The following WDR7 variants were observed in gnomAD, a reference collection of about 807,000 sequenced individuals.
The protein encoded by WDR7 is WD repeat domain 7.
WDR7 carries 46 observed loss-of-function variants against 169.4 expected under a neutral mutation model. The observed-to-expected ratio is 0.27, with a 90% confidence interval of 0.21 to 0.35. The LOEUF (loss-of-function observed/expected upper bound fraction) is 0.35, where lower values mean the gene tolerates loss of function less well. WDR7 is among the 10% of genes least tolerant of loss of function. WDR7 has a pLI of 1.00. For missense variants in WDR7, 1,534 were observed against 1,859.3 expected (o/e 0.83, Z 3.22); for synonymous variants, 612 against 666.8 (o/e 0.92, Z 1.27).
intron 21 of WDR7, among the ~76,000 whole-genome samples, chr18:56,895,260 G>A (rs2046316568): frequency 6.6e-6 from 1 of 151,788 alleles, no homozygotes; most frequent in African/African-American, 2.4e-5. Flanking sequence ...GTCTACTAGT[G>A]AACAAAGTAG....
At chr18:56,832,977 A>G (rs780812287) in intron 20 of WDR7, among the ~76,000 whole-genome samples, 4 of 152,098 alleles carry the variant, frequency 2.6e-5, no homozygotes, top group Non-Finnish European at 5.9e-5. Flanking sequence ...AAAACCGGAC[A>G]GAGAATGAGT....
At chr18:56,887,671 T>C (rs1404626644) in intron 21 of WDR7, among the ~76,000 whole-genome samples, 1 of 152,180 alleles carries the variant, frequency 6.6e-6, no homozygotes, top group African/African-American at 2.4e-5. Flanking sequence ...TAACCTATTT[T>C]TTTTTTTCCT....
intron 25 of WDR7, among the ~76,000 whole-genome samples, chr18:56,955,542 A>G (rs1179843685): frequency 6.6e-6 from 1 of 152,162 alleles, no homozygotes; most frequent in Non-Finnish European, 1.5e-5. Flanking sequence ...CTGAGCATTC[A>G]TTTTCCTTAT....
At chr18:56,952,687 A>G (rs1283433375) in intron 25 of WDR7, among the ~76,000 whole-genome samples, 1 of 152,244 alleles carries the variant, frequency 6.6e-6, no homozygotes, top group East Asian at 1.9e-4. Flanking sequence ...TTAAGTGGAA[A>G]CCAAACGGAT....
At chr18:56,823,700 T>C (rs2045143993) in intron 20 of WDR7, among the ~76,000 whole-genome samples, 1 of 152,216 alleles carries the variant, frequency 6.6e-6, no homozygotes, top group Non-Finnish European at 1.5e-5. Context: ...TGACCTGACA[T>C]CTCAAACTTG....
intron 12 of WDR7, among the ~76,000 whole-genome samples, chr18:56,712,636 T>C (rs1420670021): frequency 6.6e-6 from 1 of 152,230 alleles, no homozygotes; most frequent in Non-Finnish European, 1.5e-5. Flanking sequence ...ATGAATACAG[T>C]GTTTGGAACA....
chr18:56,757,608 G>C (rs1305748424), intron 15 of WDR7, among the ~76,000 whole-genome samples: 2 of 152,064 alleles, frequency 1.3e-5, no homozygotes, highest in Non-Finnish European at 2.9e-5. Context: ...TGGTCATATA[G>C]ACTAGCTCTT....
intron 3 of WDR7, among the ~76,000 whole-genome samples, 165 bp from the exon 4 acceptor site, chr18:56,681,148 G>A (rs2025343951): frequency 1.3e-5 from 2 of 152,118 alleles, no homozygotes; most frequent in Admixed American, 6.6e-5. Flanking sequence ...GTGTTAGGAG[G>A]GTCGAGGGAG....
chr18:56,661,963 T>C (rs2024913065), intron 1 of WDR7, among the ~76,000 whole-genome samples: 1 of 152,220 alleles, frequency 6.6e-6, no homozygotes, highest in Non-Finnish European at 1.5e-5. Context: ...TACACTCTTT[T>C]GACAAATGAC....
At chr18:56,907,436 C>G (rs2046494114) in intron 21 of WDR7, among the ~76,000 whole-genome samples, 1 of 152,148 alleles carries the variant, frequency 6.6e-6, no homozygotes, top group South Asian at 2.1e-4. Flanking sequence ...GCTTTGGATT[C>G]TGGACGTGCC....
At chr18:57,011,355 G>C (rs1358047890) in intron 26 of WDR7, among the ~76,000 whole-genome samples, 1 of 149,834 alleles carries the variant, frequency 6.7e-6, no homozygotes, top group Non-Finnish European at 1.5e-5. Context: ...AGTAAACACT[G>C]AAGCTAGTTT....
At chr18:56,832,961 G>T (rs1427390708) in intron 20 of WDR7, among the ~76,000 whole-genome samples, 1 of 152,008 alleles carries the variant, frequency 6.6e-6, no homozygotes, top group Non-Finnish European at 1.5e-5. Flanking sequence ...TCGCCAGCAA[G>T]GGAACAAAAC....
chr18:56,958,681 T>C (rs1314572173), intron 25 of WDR7, among the ~76,000 whole-genome samples: 1 of 152,158 alleles, frequency 6.6e-6, no homozygotes, highest in Non-Finnish European at 1.5e-5. Flanking sequence ...TCTACAATTG[T>C]TTGTTTCCAC....
chr18:56,890,453 A>G (rs940855708), intron 21 of WDR7, among the ~76,000 whole-genome samples: 9 of 152,166 alleles, frequency 5.9e-5, no homozygotes, highest in African/African-American at 2.2e-4. Flanking sequence ...AGTGAAGCCA[A>G]ATTTCAAATG....
chr18:56,957,395 A>C (rs887564430), intron 25 of WDR7: 1 of 151,900 alleles, frequency 6.6e-6, no homozygotes, highest in African/African-American at 2.4e-5. Flanking sequence ...CTTCCCTTCA[A>C]CTGCGCTTTG....
chr18:56,861,548 A>G (rs1053723876), intron 20 of WDR7, among the ~76,000 whole-genome samples: 1 of 152,206 alleles, frequency 6.6e-6, no homozygotes, highest in South Asian at 2.1e-4. Context: ...CCAGCAGCAG[A>G]GCAGTCGAGT....
At position 57,002,109 on chromosome 18, in the gene WDR7, C is replaced by T. The variant is rs1599235992; in HGVS notation, c.4165-18636C>T. ...CCTGAGGTGCTTTCCATAATAATAT[C>T]TATATTTTTAAATAAAAGGAAAAAT... On this transcript the variant is annotated intron_variant, in intron 26 of 27. Coordinates refer to ENST00000254442, the MANE Select transcript of WDR7 (RefSeq NM_015285.3). Among the ~76,000 whole-genome samples the T allele has an allele frequency of 3.3e-5, 5 of 152,162 alleles. No homozygotes were observed. The South Asian group carries it at 8.3e-4, about 25-fold the overall frequency.
chr18:56,906,274 AAG>A (rs2046475180), intron 21 of WDR7, among the ~76,000 whole-genome samples: 1 of 152,214 alleles, frequency 6.6e-6, no homozygotes, highest in African/African-American at 2.4e-5. Context: ...TATGGGATAA[AAG>A]AACTGATTTC....
At chr18:56,784,898 C>T (rs1020265201) in intron 19 of WDR7, among the ~76,000 whole-genome samples, 11 of 149,894 alleles carry the variant, frequency 7.3e-5, no homozygotes, top group Non-Finnish European at 1.5e-4. Flanking sequence ...AAACTTTGAT[C>T]TTGTCATTTA....
Sources: allele counts gnomAD v4.1 joint callset (sites outside exome capture counted in the v4.1 genomes callset), GRCh38; gene constraint gnomAD v4.1.1; transcripts MANE v1.5; gene names NCBI Gene and HGNC (gene_info 2026-07-23, HGNC 2026-07-21).